FRMD6: variants seen among roughly 807,000 people sequenced by gnomAD.
FRMD6 encodes FERM domain containing 6.
A neutral mutation model predicts 73.2 loss-of-function variants in FRMD6; 37 were observed. The ratio of observed to expected loss-of-function variants is 0.51; its 90% CI spans 0.39 to 0.66. FRMD6 has a LOEUF of 0.66. FRMD6 is among the 30% of genes least tolerant of loss of function. The pLI is 0.00. For synonymous variants in FRMD6, 273 were observed against 282.2 expected, an observed-to-expected ratio of 0.97 and a Z score of 0.33; for missense variants, 714 against 780.5, an observed-to-expected ratio of 0.91 and a Z score of 1.02.
At chr14:51,553,368 C>T (rs1387579441) in intron 1 of FRMD6, among the ~76,000 whole-genome samples, 1 of 152,198 alleles carries the variant, frequency 6.6e-6, no homozygotes, top group Non-Finnish European at 1.5e-5. Context: ...TACATCAAAA[C>T]ACAAGCAGCA....
At chr14:51,725,216 A>G (rs1253675561) in intron 12 of FRMD6, among the ~76,000 whole-genome samples, 3 of 152,136 alleles carry the variant, frequency 2.0e-5, no homozygotes, top group South Asian at 4.1e-4. Flanking sequence ...GCCCGATTTT[A>G]TACGAGAAGG....
At chr14:51,723,495 G>T (rs1297075202) in intron 12 of FRMD6, among the ~76,000 whole-genome samples, 1 of 152,044 alleles carries the variant, frequency 6.6e-6, no homozygotes, top group African/African-American at 2.4e-5. Flanking sequence ...AGAATGAGTG[G>T]TAAGGCCAGG....
chr14:51,665,118 A>G (rs1171491986), intron 1 of FRMD6, among the ~76,000 whole-genome samples: 1 of 152,224 alleles, frequency 6.6e-6, no homozygotes. Context: ...GGCTTTTAAC[A>G]TAGTTATTTG....
intron 1 of FRMD6, among the ~76,000 whole-genome samples, chr14:51,673,570 T>A (rs776890234): frequency 2.0e-5 from 3 of 152,190 alleles, no homozygotes; most frequent in Non-Finnish European, 2.9e-5. Flanking sequence ...CCATTTGATG[T>A]GTTTTATCCA....
intron 2 of FRMD6, 40 bp from the exon 3 acceptor site, chr14:51,698,102 G>A: frequency 6.8e-7 from 1 of 1,472,764 alleles, no homozygotes; most frequent in Non-Finnish European, 9.5e-7. Flanking sequence ...GGTGGACTTA[G>A]TTGAATTGTT....
the FRMD6 span, chr14:51,437,012 G>T: frequency 3.0e-6 from 2 of 664,300 alleles, no homozygotes; most frequent in Non-Finnish European, 4.9e-6. Flanking sequence ...TTATACTTAA[G>T]TTCTGGGATA....
intron 1 of FRMD6, among the ~76,000 whole-genome samples, chr14:51,517,122 G>GC (rs1345081883): frequency 6.6e-6 from 1 of 152,182 alleles, no homozygotes; most frequent in Non-Finnish European, 1.5e-5. Context: ...TATGAAAAAT[G>GC]CCTAAAATTT....
chr14:51,608,068 T>TTAC (rs764180930), intron 2 of FRMD6, among the ~76,000 whole-genome samples: 2 of 152,124 alleles, frequency 1.3e-5, no homozygotes, highest in Non-Finnish European at 2.9e-5. Context: ...ACCCAGCTAT[T>TTAC]TACTCTCTCC....
upstream of FRMD6, among the ~76,000 whole-genome samples, chr14:51,647,225 T>C (rs73292738): frequency 8.3e-3 from 1,263 of 152,334 alleles, 18 homozygotes; most frequent in African/African-American, 0.029. Flanking sequence ...TTCAACTCTG[T>C]ATTTCTATAA....
At chr14:51,658,574 T>C (rs943924682) in intron 1 of FRMD6, among the ~76,000 whole-genome samples, 1 of 152,220 alleles carries the variant, frequency 6.6e-6, no homozygotes, top group Non-Finnish European at 1.5e-5. Flanking sequence ...TCCCTTTTTG[T>C]GTCTTCCTTC....
At chr14:51,499,537 G>C (rs77144932) in intron 1 of FRMD6, among the ~76,000 whole-genome samples, 8,825 of 152,254 alleles carry the variant, frequency 0.058, 864 homozygotes, top group African/African-American at 0.2. Flanking sequence ...AGAGAAACTA[G>C]GTAACAGCCC....
At chr14:51,600,085 G>C (rs570706088) in intron 2 of FRMD6, 2 of 151,738 alleles carry the variant, frequency 1.3e-5, no homozygotes. Context: ...AGATGACATT[G>C]TTACTGTTCT....
chr14:51,687,386 C>A (rs529704111), intron 1 of FRMD6, among the ~76,000 whole-genome samples: 2 of 152,008 alleles, frequency 1.3e-5, no homozygotes, highest in Non-Finnish European at 2.9e-5. Context: ...ATAATTTCTT[C>A]TTGAAAAGAT....
chr14:51,563,874 TA>T (rs1239308179), intron 1 of FRMD6, among the ~76,000 whole-genome samples: 1 of 152,236 alleles, frequency 6.6e-6, no homozygotes, highest in Non-Finnish European at 1.5e-5. Context: ...CACTTAGAGA[TA>T]TTTAGAAACA....
At chr14:51,403,261 T>C in the FRMD6 span, among the ~76,000 whole-genome samples, 1 of 152,238 alleles carries the variant, frequency 6.6e-6, no homozygotes, top group African/African-American at 2.4e-5. Flanking sequence ...TTATCCTGAT[T>C]TTTGTGTCAA....
intron 2 of FRMD6, among the ~76,000 whole-genome samples, chr14:51,617,043 A>G (rs1890743667): frequency 6.6e-6 from 1 of 152,242 alleles, no homozygotes; most frequent in Non-Finnish European, 1.5e-5. Flanking sequence ...CGTTTGTCAT[A>G]CAAAGCTTCT....
rs755159095 is a variant in FRMD6, at chr14:51,702,553, T to C, written c.336T>C (p.Arg112=). Reference sequence around the variant, plus strand: ...GGCCTCCTATGATCATCCACTTCCGTGTGCAGTACTATGTGGAAAATGGCA... The same window carrying C: ...GGCCTCCTATGATCATCCACTTCCGCGTGCAGTACTATGTGGAAAATGGCA... ...QFGPPMIIHF[R]VQYYVENGRL... is the part of the protein sequence containing the mutation. Residue 112 remains arginine, a synonymous_variant, in exon 5 of 14, where the codon CGT becomes CGC. Coordinates refer to ENST00000344768, the MANE Select transcript of FRMD6 (RefSeq NM_001267046.2). 2.0e-5 allele frequency: 32 copies of C among 1,611,856 alleles called. No individual in the cohort carries two copies. In the Middle Eastern group the frequency reaches 6.6e-4, roughly 33 times the overall value.
At chr14:51,465,372 A>G in the FRMD6 span, among the ~76,000 whole-genome samples, 1 of 152,148 alleles carries the variant, frequency 6.6e-6, no homozygotes, top group Admixed American at 6.5e-5. Context: ...CACCATAACA[A>G]TCAAGGAAGT....
At chr14:51,552,387 T>C (rs943605719) in intron 1 of FRMD6, among the ~76,000 whole-genome samples, 1 of 152,220 alleles carries the variant, frequency 6.6e-6, no homozygotes, top group Admixed American at 6.5e-5. Context: ...TTTTTAGGGA[T>C]TGGACAAACA....
Sources: allele counts gnomAD v4.1 joint callset (sites outside exome capture counted in the v4.1 genomes callset), GRCh38; gene constraint gnomAD v4.1.1; transcripts MANE v1.5; gene names NCBI Gene and HGNC (gene_info 2026-07-23, HGNC 2026-07-21).